NCK1: variants seen among roughly 807,000 people sequenced by gnomAD.
The protein encoded by NCK1 is SH2/SH3 adapter protein NCK1.
A neutral mutation model predicts 36.6 loss-of-function variants in NCK1; 19 were observed. That is an observed-to-expected ratio of 0.52 (90% confidence interval 0.36 to 0.76). The LOEUF (loss-of-function observed/expected upper bound fraction) is 0.76. NCK1 is among the 30% of genes least tolerant of loss of function. The pLI is 0.00. For synonymous variants in NCK1, 165 were observed against 156.0 expected (o/e 1.06, Z -0.43); for missense variants, 358 against 445.6 (o/e 0.80, Z 1.77).
At chr3:136,890,874 C>T in intron 1 of NCK1, among the ~76,000 whole-genome samples, 1 of 152,180 alleles carries the variant, frequency 6.6e-6, no homozygotes, top group East Asian at 1.9e-4. Context: ...ACCCATTAAA[C>T]AACAACTCCC....
At chr3:136,932,118 CAAA>C (rs1288026754) in intron 2 of NCK1, among the ~76,000 whole-genome samples, 9 of 59,292 alleles carry the variant, frequency 1.5e-4, no homozygotes, top group African/African-American at 2.9e-4. Context: ...GACTCCATCT[CAAA>C]AAAAAAAAAA....
chr3:136,862,310 CCCT>C lies in NCK1; in HGVS notation c.-57_-55del, dbSNP rs1004502039. On this transcript the variant is annotated 5_prime_UTR_variant, in exon 1 of 4. Coordinates refer to ENST00000481752, the MANE Select transcript of NCK1 (RefSeq NM_001291999.2). The stretch of plus-strand genomic sequence containing the variant: ...CGGCGGCCGCAGTGGCGTCCTGGAG[CCCT>C]CCTCAGGTGAGCTGGAGCTGCCCGG... 1 of 152,816 alleles carries C rather than the reference CCCT, an allele frequency of 6.5e-6. No homozygotes were observed. The highest frequency in any genetic ancestry group is 1.5e-5 in the Non-Finnish European group (1 of 68,312). The allele number at this position is 152,816 out of a possible 1,614,324, so 9.5% of individuals were successfully genotyped here. A position where few individuals can be genotyped will look rare whatever the true frequency, so the allele number is the denominator to read the frequency against.
chr3:136,886,378 T>A lies in NCK1; in HGVS notation c.-19+24025T>A, dbSNP rs146427056. On this transcript the variant is annotated intron_variant, in intron 1 of 3. Transcript: ENST00000481752. Reference sequence around the variant, plus strand: ...GGATGCTTGAGTCTCTTGTGTAAAATGGGGTACTATTTACATATAACCTAT... The same window carrying A: ...GGATGCTTGAGTCTCTTGTGTAAAAAGGGGTACTATTTACATATAACCTAT... Among the ~76,000 whole-genome samples the A allele has an allele frequency of 4.9e-3, 739 of 152,264 alleles. 2 individuals are homozygous for A. The highest frequency in any genetic ancestry group is 8.6e-3 in the Non-Finnish European group (586 of 68,028).
chr3:136,906,565 TC>T (rs1939691858), intron 1 of NCK1, among the ~76,000 whole-genome samples: 1 of 152,194 alleles, frequency 6.6e-6, no homozygotes. Context: ...TCTTTGAGCC[TC>T]CAGGTGTCTT....
rs771468274 is a variant in NCK1, at chr3:136,928,240, T to C, written c.226+13T>C. The C allele has an allele frequency of 6.3e-7, 1 of 1,581,896 alleles. No individual in the cohort carries two copies. Among genetic ancestry groups the C allele is most frequent in the South Asian group, 1.2e-5 (1 of 85,330 alleles). On this transcript the variant is annotated intron_variant, in intron 2 of 3. Transcript: ENST00000481752. The stretch of plus-strand genomic sequence containing the variant: ...AAGGATACCTTAGGTAAGATATTTT[T>C]TAAAAGAAAAGCAACTTTGTTTTAA...
Position 136,948,286 on chromosome 3 carries a change from G to C in NCK1, c.967G>C (p.Ala323Pro). The C allele has an allele frequency of 6.2e-7, 1 of 1,603,174 alleles. No individual in the cohort carries two copies. Among genetic ancestry groups the C allele is most frequent in the Non-Finnish European group, 8.5e-7 (1 of 1,175,336 alleles). The change falls in exon 4 of 4, where the codon GCA (alanine) becomes CCA (proline). Residue 323 changes from alanine (A) to proline (P), a missense_variant. By Grantham distance (27) the Ala-to-Pro change is conservative. This residue lies in a region of NCK1 where 207 missense variants were observed against 253.4 expected (regional missense o/e 0.82). Transcript: ENST00000481752. ...AAATGATTTCTCAGTATCACTAAAA[G>C]CACAAGGGAAAAACAAGCATTTTAA... is the stretch of plus-strand genomic sequence containing the variant. ...SPNDFSVSLK[A>P]QGKNKHFKVQ...
intron 1 of NCK1, among the ~76,000 whole-genome samples, chr3:136,892,080 A>G (rs1173217694): frequency 6.6e-6 from 1 of 151,436 alleles, no homozygotes; most frequent in Non-Finnish European, 1.5e-5. Context: ...AGAGATGGGG[A>G]TCTCACTATG....
At chr3:136,886,638 A>T (rs1202671217) in intron 1 of NCK1, among the ~76,000 whole-genome samples, 2 of 152,128 alleles carry the variant, frequency 1.3e-5, no homozygotes, top group African/African-American at 2.4e-5. Flanking sequence ...TTGCTGTCAC[A>T]GTCTGTAGAT....
At chr3:136,937,435 T>C (rs965357658) in intron 2 of NCK1, among the ~76,000 whole-genome samples, 8 of 152,228 alleles carry the variant, frequency 5.3e-5, no homozygotes, top group African/African-American at 1.9e-4. Flanking sequence ...AAGATTGTTT[T>C]GGTTGCTTAG....
At chr3:136,887,062 T>G (rs1317708579) in intron 1 of NCK1, among the ~76,000 whole-genome samples, 1 of 152,172 alleles carries the variant, frequency 6.6e-6, no homozygotes, top group African/African-American at 2.4e-5. Flanking sequence ...CAGGCTGGTC[T>G]CGAACTCCTG....
chr3:136,945,745 G>A lies in NCK1; in HGVS notation c.389G>A (p.Gly130Glu). Reference protein sequence around the residue: ...EREDELSLIKGTKVIVMEKCS... With the variant: ...EREDELSLIKETKVIVMEKCS... ...GAGGATGAATTATCATTGATAAAGG[G>A]GACAAAGGTGATCGTCATGGAGAAA... Residue 130 changes from glycine (G) to glutamate (E), a missense_variant, in exon 3 of 4, where the codon GGG (glycine) becomes GAG (glutamate). Physicochemically the swap from Gly to Glu is moderately conservative, Grantham distance 98. Around this residue, in one of 3 missense-constraint regions of NCK1, gnomAD observed 143 missense variants for 162.4 expected, o/e 0.88. Transcript: ENST00000481752. The A allele has an allele frequency of 1.2e-6, 2 of 1,614,124 alleles. No individual in the cohort carries two copies. Among genetic ancestry groups the A allele is most frequent in the Non-Finnish European group, 1.7e-6 (2 of 1,180,010 alleles).
chr3:136,945,500 C>T (rs1009245824), intron 2 of NCK1, 83 bp from the exon 3 acceptor site: 109 of 987,514 alleles, frequency 1.1e-4, no homozygotes, highest in Non-Finnish European at 1.4e-4. Flanking sequence ...AGTTGAAGAT[C>T]TCTTTTTAAT....
chr3:136,896,263 A>C (rs1939388475), intron 1 of NCK1, among the ~76,000 whole-genome samples: 1 of 152,186 alleles, frequency 6.6e-6, no homozygotes. Context: ...GTTTGTGTAC[A>C]TTGAGCAACC....
intron 1 of NCK1, among the ~76,000 whole-genome samples, chr3:136,923,761 C>T (rs1940173991): frequency 6.6e-6 from 1 of 152,096 alleles, no homozygotes. Context: ...ATTTAAACAT[C>T]TACCTTGCTT....
At chr3:136,932,133 A>AG (rs202111998) in intron 2 of NCK1, among the ~76,000 whole-genome samples, 10,400 of 151,504 alleles carry the variant, frequency 0.069, 414 homozygotes, top group Non-Finnish European at 0.094. Flanking sequence ...AAAAAAAAAA[A>AG]AAAAGAATCC....
chr3:136,914,681 C>CCTAATGTGACAA (rs1282467995), intron 1 of NCK1, among the ~76,000 whole-genome samples: 1 of 151,948 alleles, frequency 6.6e-6, no homozygotes, highest in African/African-American at 2.4e-5. Context: ...TTTTTTGCGC[C>CCTAATGTGACAA]CTAATGTGAC....
chr3:136,869,532 G>A (rs1443038863), intron 1 of NCK1, among the ~76,000 whole-genome samples: 3 of 152,144 alleles, frequency 2.0e-5, no homozygotes, highest in African/African-American at 4.8e-5. Flanking sequence ...GTGACAGAGC[G>A]AGATTGTCTC....
At chr3:136,923,591 T>TAAATAAA (rs1385490342) in intron 1 of NCK1, among the ~76,000 whole-genome samples, 3 of 151,552 alleles carry the variant, frequency 2.0e-5, no homozygotes, top group African/African-American at 4.8e-5. Flanking sequence ...AATAAATAAA[T>TAAATAAA]AAATGGCTGT....
At chr3:136,942,048 C>T (rs1484781706) in intron 2 of NCK1, among the ~76,000 whole-genome samples, 1 of 152,124 alleles carries the variant, frequency 6.6e-6, no homozygotes, top group Non-Finnish European at 1.5e-5. Flanking sequence ...CCATGTTGGC[C>T]AGGCTGGTTT....
Sources: gnomAD v4.1 joint callset for allele counts (sites outside exome capture counted in the v4.1 genomes callset) on GRCh38, gnomAD v4.1.1 for gene constraint, gnomAD v4.1.1 regional missense constraint, MANE v1.5 for transcripts, NCBI Gene and HGNC (gene_info 2026-07-23, HGNC 2026-07-21) for gene names.